The following ENTREP2 variants were observed in gnomAD, a reference collection of about 807,000 sequenced individuals.
The protein encoded by ENTREP2 is endosomal transmembrane epsin interactor 2.
the ENTREP2 span, among the ~76,000 whole-genome samples, chr15:29,408,448 C>A: frequency 6.6e-6 from 1 of 152,104 alleles, no homozygotes; most frequent in Admixed American, 6.5e-5. Context: ...GGATGGATGC[C>A]GGTTCCTGAT....
the ENTREP2 span, among the ~76,000 whole-genome samples, chr15:29,655,044 C>G: frequency 7.9e-5 from 12 of 152,198 alleles, no homozygotes; most frequent in Non-Finnish European, 1.5e-4. Flanking sequence ...TTCTGAAATG[C>G]TGCTGCACCA....
At chr15:29,305,991 G>A in the ENTREP2 span, among the ~76,000 whole-genome samples, 987 of 152,342 alleles carry the variant, frequency 6.5e-3, 12 homozygotes, top group African/African-American at 0.022. Context: ...CAGCTCTACC[G>A]AACTGGAAGC....
At chr15:29,513,069 C>T in the ENTREP2 span, among the ~76,000 whole-genome samples, 1 of 152,276 alleles carries the variant, frequency 6.6e-6, no homozygotes, top group East Asian at 1.9e-4. Flanking sequence ...TCTCTAAATC[C>T]TTCTTTAAAC....
chr15:29,490,121 C>T, the ENTREP2 span, among the ~76,000 whole-genome samples: 1 of 152,306 alleles, frequency 6.6e-6, no homozygotes, highest in East Asian at 1.9e-4. Context: ...TTCTCGGTCT[C>T]ACTGACTTCA....
At chr15:29,547,044 G>C in the ENTREP2 span, among the ~76,000 whole-genome samples, 2 of 151,246 alleles carry the variant, frequency 1.3e-5, no homozygotes, top group Non-Finnish European at 2.9e-5. Flanking sequence ...AAGGAATTCT[G>C]CAAAGAAAGA....
the ENTREP2 span, among the ~76,000 whole-genome samples, chr15:29,170,307 C>CAAAAAAAAA: frequency 1.7e-5 from 1 of 57,370 alleles, no homozygotes; most frequent in African/African-American, 9.2e-5. Flanking sequence ...GACTCCATCT[C>CAAAAAAAAA]AAAAAAAAAA....
the ENTREP2 span, among the ~76,000 whole-genome samples, chr15:29,458,547 C>A: frequency 6.6e-6 from 1 of 152,160 alleles, no homozygotes; most frequent in East Asian, 1.9e-4. Context: ...CCCCTCCTCC[C>A]AATTTTGGAG....
chr15:29,566,846 T>TACACACACAC, the ENTREP2 span, among the ~76,000 whole-genome samples: 6,357 of 146,098 alleles, frequency 0.044, 170 homozygotes, highest in African/African-American at 0.074. Flanking sequence ...AAAGGAAAAA[T>TACACACACAC]ACACACACAC....
the ENTREP2 span, among the ~76,000 whole-genome samples, chr15:29,596,905 A>G: frequency 6.6e-6 from 1 of 151,992 alleles, no homozygotes; most frequent in Admixed American, 6.6e-5. Flanking sequence ...CCTGAACTCA[A>G]ATGATCCTCT....
the ENTREP2 span, among the ~76,000 whole-genome samples, chr15:29,449,670 A>G: frequency 6.6e-6 from 1 of 152,246 alleles, no homozygotes; most frequent in Non-Finnish European, 1.5e-5. Flanking sequence ...GAAGTTTGTT[A>G]CAACAAAATT....
the ENTREP2 span, among the ~76,000 whole-genome samples, chr15:29,364,619 C>T: frequency 6.6e-6 from 1 of 152,192 alleles, no homozygotes; most frequent in East Asian, 1.9e-4. Context: ...ACAGTGCAAG[C>T]TGTGAGTCAT....
the ENTREP2 span, among the ~76,000 whole-genome samples, chr15:29,650,217 G>A: frequency 6.6e-6 from 1 of 151,938 alleles, no homozygotes; most frequent in Non-Finnish European, 1.5e-5. Context: ...TCCCACCTGG[G>A]AAGCCAATCA....
chr15:29,408,333 G>A, the ENTREP2 span, among the ~76,000 whole-genome samples: 2 of 152,164 alleles, frequency 1.3e-5, no homozygotes, highest in Non-Finnish European at 2.9e-5. Context: ...CACATGGCAT[G>A]TTACACAGAA....
the ENTREP2 span, among the ~76,000 whole-genome samples, chr15:29,463,743 G>GAT: frequency 6.6e-6 from 1 of 152,160 alleles, no homozygotes; most frequent in South Asian, 2.1e-4. Flanking sequence ...AGCTCTAACA[G>GAT]ATATCTGTGC....
the ENTREP2 span, among the ~76,000 whole-genome samples, chr15:29,655,531 CAAAG>C: frequency 6.6e-6 from 1 of 152,030 alleles, no homozygotes; most frequent in African/African-American, 2.4e-5. Flanking sequence ...AATCCCCAGT[CAAAG>C]AGAGCAATCA....
At chr15:29,126,207 TG>T in the ENTREP2 span, 1 of 1,329,174 alleles carries the variant, frequency 7.5e-7, no homozygotes, top group East Asian at 2.6e-5. Flanking sequence ...CACTGAGACC[TG>T]CAGCATCCAA....
At chr15:29,483,734 C>T in the ENTREP2 span, among the ~76,000 whole-genome samples, 1 of 152,212 alleles carries the variant, frequency 6.6e-6, no homozygotes, top group Admixed American at 6.5e-5. Flanking sequence ...GGTTGATCTC[C>T]TTCGCTATTG....
the ENTREP2 span, chr15:29,268,436 C>G: frequency 4.3e-6 from 1 of 234,574 alleles, no homozygotes; most frequent in East Asian, 8.7e-5. Flanking sequence ...GTTAGGAGAC[C>G]TGATAATAGC....
the ENTREP2 span, among the ~76,000 whole-genome samples, chr15:29,164,000 G>C: frequency 6.6e-6 from 1 of 152,136 alleles, no homozygotes; most frequent in East Asian, 1.9e-4. Flanking sequence ...GAAGGGATTG[G>C]GGCTCTATCT....
Sources: allele counts gnomAD v4.1 joint callset (sites outside exome capture counted in the v4.1 genomes callset), GRCh38; gene constraint gnomAD v4.1.1; transcripts MANE v1.5; gene names NCBI Gene and HGNC (gene_info 2026-07-23, HGNC 2026-07-21).